The following TMEM132C variants were observed in gnomAD, a reference collection of about 807,000 sequenced individuals.
TMEM132C encodes transmembrane protein 132C, also known as protein phosphatase 1, regulatory subunit 152.
In TMEM132C, 29 loss-of-function variants were observed where a neutral mutation model predicts 61.4. The ratio of observed to expected loss-of-function variants is 0.47; its 90% CI spans 0.35 to 0.64. TMEM132C has a LOEUF of 0.64. Among genes scored for constraint, TMEM132C ranks in the 30% least tolerant of loss-of-function variants. The pLI is 0.00. For synonymous variants in TMEM132C, 656 were observed against 633.1 expected (o/e 1.04, Z -0.54); for missense variants, 1,408 against 1,476.9 (o/e 0.95, Z 0.76).
chr12:128,357,339 C>T (rs962293846), intron 1 of TMEM132C, among the ~76,000 whole-genome samples: 12 of 152,096 alleles, frequency 7.9e-5, no homozygotes, highest in Non-Finnish European at 1.0e-4. Context: ...GAGACCCCCC[C>T]GGCTCCATCA....
chr12:128,436,399 A>C (rs916505027), intron 2 of TMEM132C, among the ~76,000 whole-genome samples: 3 of 152,264 alleles, frequency 2.0e-5, no homozygotes, highest in Admixed American at 6.5e-5. Context: ...CAATCTCCCC[A>C]TCTGACAAAG....
At chr12:128,495,323 G>A (rs2136104112) in intron 2 of TMEM132C, among the ~76,000 whole-genome samples, 1 of 152,202 alleles carries the variant, frequency 6.6e-6, no homozygotes, top group African/African-American at 2.4e-5. Flanking sequence ...TTGATTTGGG[G>A]TGGAGAGTTC....
chr12:128,301,789 A>G (rs1415902303), intron 1 of TMEM132C, among the ~76,000 whole-genome samples: 4 of 152,204 alleles, frequency 2.6e-5, no homozygotes, highest in African/African-American at 9.6e-5. Context: ...GCTGATAAAG[A>G]CATAGCTGAG....
chr12:128,374,220 G>A (rs796225374), intron 1 of TMEM132C, among the ~76,000 whole-genome samples: 7 of 152,172 alleles, frequency 4.6e-5, no homozygotes, highest in African/African-American at 7.2e-5. Flanking sequence ...TAGTTTATGC[G>A]AAAAACAACG....
intron 2 of TMEM132C, among the ~76,000 whole-genome samples, chr12:128,478,294 A>G (rs1871216676): frequency 6.6e-6 from 1 of 152,058 alleles, no homozygotes; most frequent in Non-Finnish European, 1.5e-5. Context: ...TTGTTTTTTT[A>G]TTTTTTTATT....
intron 2 of TMEM132C, among the ~76,000 whole-genome samples, chr12:128,461,468 T>C (rs1481705817): frequency 7.0e-6 from 1 of 143,700 alleles, no homozygotes; most frequent in African/African-American, 2.6e-5. Flanking sequence ...AAGAAAACAG[T>C]CTGAGAAAGG....
At chr12:128,463,473 C>G (rs140549509) in intron 2 of TMEM132C, among the ~76,000 whole-genome samples, 31 of 152,260 alleles carry the variant, frequency 2.0e-4, no homozygotes, top group African/African-American at 7.0e-4. Flanking sequence ...CATGCACCAC[C>G]TCGCCTGGCT....
At chr12:128,535,712 C>CA (rs1472967843) in intron 2 of TMEM132C, among the ~76,000 whole-genome samples, 2 of 152,036 alleles carry the variant, frequency 1.3e-5, no homozygotes, top group Non-Finnish European at 2.9e-5. Context: ...ACTAAACGTA[C>CA]AAAAAATTAA....
intron 2 of TMEM132C, among the ~76,000 whole-genome samples, chr12:128,496,333 G>A (rs576726885): frequency 6.6e-6 from 1 of 152,096 alleles, no homozygotes; most frequent in Non-Finnish European, 1.5e-5. Flanking sequence ...TTCTCCAGGA[G>A]TATCTTTGTG....
chr12:128,345,547 TTTC>T (rs1272847949), intron 1 of TMEM132C, among the ~76,000 whole-genome samples: 1 of 152,330 alleles, frequency 6.6e-6, no homozygotes, highest in East Asian at 1.9e-4. Context: ...ATCAGCATTC[TTTC>T]TTCTCCACAG....
intron 1 of TMEM132C, among the ~76,000 whole-genome samples, chr12:128,376,766 C>T (rs907869274): frequency 2.0e-5 from 3 of 152,204 alleles, no homozygotes; most frequent in Non-Finnish European, 4.4e-5. Flanking sequence ...GAAGCAGTCT[C>T]CTTGCCATTC....
intron 1 of TMEM132C, among the ~76,000 whole-genome samples, chr12:128,351,063 A>G (rs569894326): frequency 1.2e-4 from 19 of 152,302 alleles, no homozygotes; most frequent in African/African-American, 4.6e-4. Flanking sequence ...AACCCAAGAG[A>G]GAAATGAACT....
Position 128,375,394 on chromosome 12 carries a change from A to G in TMEM132C, c.86-39338A>G, listed in dbSNP as rs559445550. On this transcript the variant is annotated intron_variant, in intron 1 of 8. Transcript: ENST00000435159. ...GGTGTTGGCAGGGTGGCTTCTTCCT[A>G]GAGGCTGTGGGGGAATCTCCCGGCT... 5.9e-5 allele frequency among the ~76,000 whole-genome samples: 9 copies of G among 152,194 alleles called. No individual in the cohort carries two copies. In the South Asian group the frequency reaches 1.7e-3, roughly 28 times the overall value.
chr12:128,598,869 G>A (rs1876065605), intron 3 of TMEM132C, among the ~76,000 whole-genome samples: 2 of 148,198 alleles, frequency 1.3e-5, no homozygotes, highest in South Asian at 4.3e-4. Flanking sequence ...GGTTTGGGGT[G>A]GGGTTTGGGT....
rs548164561 is a variant in TMEM132C, at chr12:128,325,700, G to A, written c.85+58213G>A. On this transcript the variant is annotated intron_variant, in intron 1 of 8. Coordinates refer to ENST00000435159, the MANE Select transcript of TMEM132C (RefSeq NM_001136103.3). Reference sequence around the variant, plus strand: ...CATCGCTTGGCCATGACTTGCTGAAGGATATCGTGGCTGTTTCCAGTTCGG... The same window carrying A: ...CATCGCTTGGCCATGACTTGCTGAAAGATATCGTGGCTGTTTCCAGTTCGG... 6.9e-4 allele frequency among the ~76,000 whole-genome samples: 105 copies of A among 152,268 alleles called. 1 individual carries two copies. Among genetic ancestry groups the A allele is most frequent in the Non-Finnish European group, 8.5e-4 (58 of 68,028 alleles).
intron 1 of TMEM132C, among the ~76,000 whole-genome samples, chr12:128,290,199 T>C (rs75248699): frequency 7.9e-5 from 12 of 152,130 alleles, no homozygotes; most frequent in African/African-American, 2.9e-4. Context: ...AAGAAGTACC[T>C]GAGACTGGGT....
rs945104696 is a variant in TMEM132C, at chr12:128,703,508, G to A, written c.2122-1582G>A. Among the ~76,000 whole-genome samples the A allele has an allele frequency of 7.9e-5, 12 of 152,276 alleles. No individual in the cohort carries two copies. In the East Asian group the frequency reaches 1.2e-3, roughly 15 times the overall value. Reference sequence around the variant, plus strand: ...TTTTTATGGCTGCATAGTATTCCACGGTGTGTGTGTACCACATTTTCTTTA... The same window carrying A: ...TTTTTATGGCTGCATAGTATTCCACAGTGTGTGTGTACCACATTTTCTTTA... On this transcript the variant is annotated intron_variant, in intron 8 of 8. Coordinates refer to ENST00000435159, the MANE Select transcript of TMEM132C (RefSeq NM_001136103.3).
chr12:128,367,577 G>A (rs1300285812), intron 1 of TMEM132C, among the ~76,000 whole-genome samples: 2 of 152,156 alleles, frequency 1.3e-5, no homozygotes, highest in Admixed American at 1.3e-4. Flanking sequence ...CAAGCGCACA[G>A]AGACCAGGAG....
chr12:128,512,055 G>A (rs1872582203), intron 2 of TMEM132C, among the ~76,000 whole-genome samples: 1 of 151,148 alleles, frequency 6.6e-6, no homozygotes, highest in Non-Finnish European at 1.5e-5. Flanking sequence ...GCCCCTGTCG[G>A]CCACAGGCAC....
Sources: allele counts gnomAD v4.1 joint callset (sites outside exome capture counted in the v4.1 genomes callset), GRCh38; gene constraint gnomAD v4.1.1; transcripts MANE v1.5; gene names NCBI Gene and HGNC (gene_info 2026-07-23, HGNC 2026-07-21).